GLP1R: variants seen among roughly 807,000 people sequenced by gnomAD.
GLP1R encodes the protein glucagon like peptide 1 receptor.
In GLP1R, 32 loss-of-function variants were observed where a neutral mutation model predicts 68.4. The observed-to-expected ratio is 0.47, with a 90% CI of 0.35 to 0.63. GLP1R has a LOEUF of 0.63. Ranked by LOEUF, GLP1R falls within the 20% of genes least tolerant of loss-of-function variation. The pLI is 0.00. For missense variants in GLP1R, 502 were observed against 594.9 expected, an observed-to-expected ratio of 0.84 and a Z score of 1.62; for synonymous variants, 263 against 244.4, an observed-to-expected ratio of 1.08 and a Z score of -0.71.
At chr6:39,059,525 T>C (rs1768306492) in intron 3 of GLP1R, among the ~76,000 whole-genome samples, 1 of 152,162 alleles carries the variant, frequency 6.6e-6, no homozygotes, top group East Asian at 1.9e-4. Context: ...TGCAATCTGG[T>C]GGTTCTGCTG....
At chr6:39,078,244 CA>C (rs2150835453) in intron 7 of GLP1R, 77 bp from the exon 8 acceptor site, 1 of 1,006,334 alleles carries the variant, frequency 9.9e-7, no homozygotes, top group Non-Finnish European at 1.6e-6. Flanking sequence ...GGGCTTGGGG[CA>C]GGGAGAGGCC....
intron 1 of GLP1R, among the ~76,000 whole-genome samples, chr6:39,052,837 G>T (rs1768116927): frequency 6.6e-6 from 1 of 152,212 alleles, no homozygotes; most frequent in Non-Finnish European, 1.5e-5. Flanking sequence ...GGTCCTAAAA[G>T]ATAAATCGTG....
In GLP1R at chr6:39,091,295, T is replaced by C. The variant is rs1262673682; in HGVS notation, c.*5222T>C. ...CTTGTAAGCCAAATAAAAGTCTGTCTCTACTGTCTCTCTTGCTCTTCCTTT... is the reference window on the plus strand; with the variant it reads ...CTTGTAAGCCAAATAAAAGTCTGTCCCTACTGTCTCTCTTGCTCTTCCTTT... On this transcript the variant is annotated 3_prime_UTR_variant, in exon 13 of 13. Transcript: ENST00000373256. Among the ~76,000 whole-genome samples the C allele has an allele frequency of 1.3e-5, 2 of 152,252 alleles. No homozygotes were observed. Among genetic ancestry groups the C allele is most frequent in the African/African-American group, 2.4e-5 (1 of 41,464 alleles).
chr6:39,052,988 C>T (rs935353427), intron 1 of GLP1R, among the ~76,000 whole-genome samples: 2 of 152,144 alleles, frequency 1.3e-5, no homozygotes, highest in African/African-American at 4.8e-5. Context: ...ACTCCTGAAT[C>T]TGAGGGATGC....
Position 39,079,244 on chromosome 6 carries a change from C to A in GLP1R, c.1043+44C>A, listed in dbSNP as rs749947512. 7.6e-7 allele frequency: 1 copy of A among 1,316,300 alleles called. No homozygotes were observed. The highest frequency in any genetic ancestry group is 1.4e-5 in the African/African-American group (1 of 69,148). The allele number at this position is 1,316,300 out of a possible 1,614,324, so 81.5% of individuals were successfully genotyped here. ...CTTTACTGAGGACCCTCAGCAAGTG[C>A]CCCTTTCCTTCTAGCAGAGAGAGAG... On this transcript the variant is annotated intron_variant, in intron 10 of 12. Coordinates refer to ENST00000373256, the MANE Select transcript of GLP1R (RefSeq NM_002062.5). This position sits in a 1 kb window ranked among gnomAD's most constrained non-coding sequence, Gnocchi z 4.5.
intron 6 of GLP1R, 35 bp from the exon 7 acceptor site, chr6:39,073,575 C>G (rs781476103): frequency 6.3e-7 from 1 of 1,597,822 alleles, no homozygotes; most frequent in Non-Finnish European, 8.6e-7. Context: ...GAGGGCAGAG[C>G]TGTTGTCCCC....
At chr6:39,064,382 C>G (rs2150826766) in intron 3 of GLP1R, among the ~76,000 whole-genome samples, 1 of 152,274 alleles carries the variant, frequency 6.6e-6, no homozygotes, top group South Asian at 2.1e-4. Context: ...GGTGCCTTCT[C>G]CATTCTCTGG....
chr6:39,056,393 C>G lies in GLP1R; in HGVS notation c.79-4C>G, dbSNP rs751829967. On this transcript the variant is annotated splice_region_variant and splice_polypyrimidine_tract_variant and intron_variant, in intron 1 of 12. Coordinates refer to ENST00000373256, the MANE Select transcript of GLP1R (RefSeq NM_002062.5). ...CAGGCCTCCCATATATGCCCTCCCC[C>G]CAGGGTGCCACTGTGTCCCTCTGGG... The G allele has an allele frequency of 2.6e-6, 4 of 1,555,194 alleles. No individual in the cohort carries two copies. The highest frequency in any genetic ancestry group is 1.7e-5 in the Admixed American group (1 of 59,782).
intron 5 of GLP1R, among the ~76,000 whole-genome samples, chr6:39,071,124 A>C (rs1417980098): frequency 6.6e-6 from 1 of 152,118 alleles, no homozygotes; most frequent in Non-Finnish European, 1.5e-5. Flanking sequence ...AGGTGGGTGG[A>C]TCACAAGGTC....
intron 5 of GLP1R, among the ~76,000 whole-genome samples, chr6:39,070,796 A>G (rs533013855): frequency 1.3e-5 from 2 of 149,866 alleles, no homozygotes; most frequent in East Asian, 2.0e-4. Flanking sequence ...TTTCTTTTCT[A>G]TTTTACATAT....
chr6:39,061,785 C>T (rs1343181853), intron 3 of GLP1R, among the ~76,000 whole-genome samples: 1 of 152,218 alleles, frequency 6.6e-6, no homozygotes, highest in African/African-American at 2.4e-5. Context: ...AAGGGACATG[C>T]TCAACATCCC....
At chr6:39,051,177 G>A (rs13219169) in intron 1 of GLP1R, among the ~76,000 whole-genome samples, 3,243 of 152,258 alleles carry the variant, frequency 0.021, 43 homozygotes, top group Non-Finnish European at 0.033. Flanking sequence ...TTCAAATATA[G>A]GGTCTGCTAT....
Position 39,073,782 on chromosome 6 carries a change from A to G in GLP1R, c.823+13A>G, listed in dbSNP as rs748249897. On this transcript the variant is annotated intron_variant, in intron 7 of 12. Coordinates refer to ENST00000373256, the MANE Select transcript of GLP1R (RefSeq NM_002062.5). ...AGCATAGGCTGGGGTAAGAACCGCC[A>G]TCACCCACCCTGGACCTGTGGCACG... 7.4e-6 allele frequency: 12 copies of G among 1,613,144 alleles called. No individual in the cohort carries two copies. In the East Asian group the frequency reaches 2.2e-4, roughly 30 times the overall value.
Position 39,079,555 on chromosome 6 carries a change from G to A in GLP1R, c.1044-9G>A, listed in dbSNP as rs2150836463. 6.3e-7 allele frequency: 1 copy of A among 1,584,674 alleles called. No individual in the cohort carries two copies. The highest frequency in any genetic ancestry group is 2.3e-5 in the East Asian group (1 of 44,400). ...CAGAATGACTCGAGATCTCTGCCCT[G>A]CCCCTCAGACTTGCCAAGTCCACGC... On this transcript the variant is annotated splice_polypyrimidine_tract_variant and intron_variant, in intron 10 of 12. Coordinates refer to ENST00000373256, the MANE Select transcript of GLP1R (RefSeq NM_002062.5). This position sits in a 1 kb window ranked among gnomAD's most constrained non-coding sequence, Gnocchi z 4.5.
At chr6:39,070,169 C>G (rs1768621582) in intron 5 of GLP1R, among the ~76,000 whole-genome samples, 1 of 152,250 alleles carries the variant, frequency 6.6e-6, no homozygotes, top group Non-Finnish European at 1.5e-5. Context: ...CCTCTTAATA[C>G]TATCATTGCA....
rs201916416 is a variant in GLP1R, at chr6:39,073,778, C to T, written c.823+9C>T. ...CGTGAGCATAGGCTGGGGTAAGAAC[C>T]GCCATCACCCACCCTGGACCTGTGG... On this transcript the variant is annotated intron_variant, in intron 7 of 12. Transcript: ENST00000373256. 52 of 1,613,132 alleles carry T rather than the reference C, an allele frequency of 3.2e-5. No homozygotes were observed. The highest frequency in any genetic ancestry group is 4.0e-5 in the African/African-American group (3 of 74,858).
Position 39,049,738 on chromosome 6 carries a change from C to T in GLP1R, c.78+820C>T, listed in dbSNP as rs1261562183. Among the ~76,000 whole-genome samples, 8 of 152,214 alleles carry T rather than the reference C, an allele frequency of 5.3e-5. No individual in the cohort carries two copies. The highest frequency in any genetic ancestry group is 3.9e-4 in the East Asian group (2 of 5,188). ...AGAGAGCAGGCCACAGGTGGACCAC[C>T]GCAGCCCCTCTCTCTTGCCCTTGTT... On this transcript the variant is annotated intron_variant, in intron 1 of 12. Coordinates refer to ENST00000373256, the MANE Select transcript of GLP1R (RefSeq NM_002062.5). The surrounding 1 kb of genome is among the most constrained non-coding windows in gnomAD (Gnocchi z 4.5).
chr6:39,056,504 G>A lies in GLP1R; in HGVS notation c.175+11G>A. Reference sequence around the variant, plus strand: ...CACCTCCTGCCACAGGTGAGTCCATGTAGGCTCCCCACCTTTAGTGCTCCC... The same window carrying A: ...CACCTCCTGCCACAGGTGAGTCCATATAGGCTCCCCACCTTTAGTGCTCCC... On this transcript the variant is annotated intron_variant, in intron 2 of 12. Coordinates refer to ENST00000373256, the MANE Select transcript of GLP1R (RefSeq NM_002062.5). 4.9e-6 allele frequency: 7 copies of A among 1,434,726 alleles called. No homozygotes were observed. The highest frequency in any genetic ancestry group is 6.9e-6 in the Non-Finnish European group (7 of 1,016,706). 88.9% of individuals were successfully genotyped at this position (1,434,726 alleles called of 1,614,324 possible). A position where few individuals can be genotyped will look rare whatever the true frequency, so the allele number is the denominator to read the frequency against.
At chr6:39,062,879 T>A (rs150434085) in intron 3 of GLP1R, among the ~76,000 whole-genome samples, 2,039 of 152,296 alleles carry the variant, frequency 0.013, 27 homozygotes, top group Middle Eastern at 0.034. Flanking sequence ...GGTTCTAATG[T>A]CCAAAGGTGT....
Sources: gnomAD v4.1 joint callset for allele counts (sites outside exome capture counted in the v4.1 genomes callset) on GRCh38, gnomAD v4.1.1 for gene constraint, Gnocchi (gnomAD v3.1) non-coding constraint, MANE v1.5 for transcripts, NCBI Gene and HGNC (gene_info 2026-07-23, HGNC 2026-07-21) for gene names.